Variants in SCARA5 observed in about 807,000 individuals in gnomAD.
SCARA5 encodes the protein scavenger receptor class A, member 5 (putative).
In SCARA5, 45 loss-of-function variants were observed where a neutral mutation model predicts 46.3. The observed-to-expected ratio is 0.97, with a 90% CI of 0.76 to 1.24. SCARA5 has a LOEUF of 1.24. SCARA5 is among the 50% of genes most tolerant of loss of function. The pLI, the probability that SCARA5 is intolerant of heterozygous loss-of-function variation, is 0.00. For synonymous variants in SCARA5, 333 were observed against 306.5 expected (o/e 1.09, Z -0.90); for missense variants, 680 against 689.0 (o/e 0.99, Z 0.15).
chr8:27,915,183 G>A (rs1255758893), intron 4 of SCARA5, among the ~76,000 whole-genome samples: 1 of 152,160 alleles, frequency 6.6e-6, no homozygotes, highest in Non-Finnish European at 1.5e-5. Context: ...CAATTGTGAG[G>A]TCTCTTTTTT....
intron 7 of SCARA5, among the ~76,000 whole-genome samples, chr8:27,902,127 A>G (rs1807164990): frequency 6.6e-6 from 1 of 152,136 alleles, no homozygotes; most frequent in Non-Finnish European, 1.5e-5. Context: ...AGAGGGCAGG[A>G]AAGAAAAGTT....
Position 27,966,497 on chromosome 8 carries a change from C to T in SCARA5, c.158G>A (p.Gly53Glu). Reference protein sequence around the residue: ...RRASICCTQLGSLSALKHAVL... With the variant: ...RRASICCTQLESLSALKHAVL... ...AGCATGCTTCAGGGCCGACAGGGAC[C>T]CCAGCTGGGTACAGCAGATGCTTGC... is the stretch of plus-strand genomic sequence containing the variant. The change falls in exon 3 of 9, where the codon GGG becomes GAG. Residue 53 changes from glycine (G) to glutamate (E), a missense_variant. Gly to Glu is a moderately conservative substitution (Grantham distance 98). Around this residue, in one of 3 missense-constraint regions of SCARA5, gnomAD observed 438 missense variants for 384.5 expected, o/e 1.14. Transcript: ENST00000354914. 6.2e-7 allele frequency: 1 copy of T among 1,613,900 alleles called. No individual in the cohort carries two copies. The highest frequency in any genetic ancestry group is 1.1e-5 in the South Asian group (1 of 91,044).
intron 3 of SCARA5, among the ~76,000 whole-genome samples, chr8:27,931,008 C>T (rs1807764024): frequency 6.6e-6 from 1 of 152,148 alleles, no homozygotes; most frequent in East Asian, 1.9e-4. Context: ...GAGGGGCCTT[C>T]CTTCAGGTGG....
rs1178982260 is a variant in SCARA5, at chr8:27,950,610, G to A, written c.241+15804C>T. Reference sequence around the variant, plus strand: ...GAGCATGACCCAGAAGGAGGGACATGTGAGCTCCAGGTGCCATGTTCTCTT... The same window carrying A: ...GAGCATGACCCAGAAGGAGGGACATATGAGCTCCAGGTGCCATGTTCTCTT... On this transcript the variant is annotated intron_variant, in intron 3 of 8. Coordinates refer to ENST00000354914, the MANE Select transcript of SCARA5 (RefSeq NM_173833.6). Among the ~76,000 whole-genome samples the A allele has an allele frequency of 1.3e-5, 2 of 152,164 alleles. 1 individual carries two copies. Among genetic ancestry groups the A allele is most frequent in the African/African-American group, 4.8e-5 (2 of 41,440 alleles).
intron 4 of SCARA5, among the ~76,000 whole-genome samples, chr8:27,914,916 C>A (rs1367418808): frequency 1.3e-5 from 2 of 152,166 alleles, no homozygotes; most frequent in African/African-American, 4.8e-5. Context: ...GAAACCCATG[C>A]CTTCTCCCTT....
At chr8:27,981,624 G>A (rs1426990954) in intron 2 of SCARA5, among the ~76,000 whole-genome samples, 1 of 152,234 alleles carries the variant, frequency 6.6e-6, no homozygotes, top group Non-Finnish European at 1.5e-5. Flanking sequence ...ACGCATGCAA[G>A]GACAACACAA....
At chr8:27,951,453 G>T (rs1808124851) in intron 3 of SCARA5, among the ~76,000 whole-genome samples, 1 of 152,212 alleles carries the variant, frequency 6.6e-6, no homozygotes, top group Admixed American at 6.5e-5. Flanking sequence ...TTTTCTTGGT[G>T]ACCAACGAAT....
At chr8:27,881,271 T>C (rs1449384838) in intron 7 of SCARA5, among the ~76,000 whole-genome samples, 1 of 152,138 alleles carries the variant, frequency 6.6e-6, no homozygotes, top group Non-Finnish European at 1.5e-5. Flanking sequence ...CTATTCACAA[T>C]AGCAAAGACA....
intron 7 of SCARA5, chr8:27,904,428 T>C: frequency 2.2e-6 from 1 of 456,482 alleles, no homozygotes; most frequent in South Asian, 6.4e-5. Flanking sequence ...CATTCAATTT[T>C]CACAATGACC....
chr8:27,979,110 T>A (rs1218734149), intron 2 of SCARA5, among the ~76,000 whole-genome samples: 1 of 152,094 alleles, frequency 6.6e-6, no homozygotes, highest in African/African-American at 2.4e-5. Flanking sequence ...TGATTTAAAC[T>A]CAGAGCCTAA....
intron 3 of SCARA5, among the ~76,000 whole-genome samples, chr8:27,932,816 A>G (rs1807797537): frequency 6.6e-6 from 1 of 152,178 alleles, no homozygotes; most frequent in African/African-American, 2.4e-5. Flanking sequence ...TTTTTAGTAG[A>G]GACAGGGTTT....
At chr8:27,941,529 T>G (rs894169278) in intron 3 of SCARA5, among the ~76,000 whole-genome samples, 3 of 152,146 alleles carry the variant, frequency 2.0e-5, no homozygotes, top group Non-Finnish European at 4.4e-5. Context: ...ATGCAGATAT[T>G]ATCTCATTTG....
intron 2 of SCARA5, among the ~76,000 whole-genome samples, chr8:27,974,114 G>A (rs1808486597): frequency 6.6e-6 from 1 of 152,268 alleles, no homozygotes; most frequent in African/African-American, 2.4e-5. Flanking sequence ...ACATTGTGGA[G>A]AGAACCTTGA....
At position 27,871,617 on chromosome 8, in the gene SCARA5, G is replaced by C. The variant is rs1184893755; in HGVS notation, c.*317C>G. ...ATTCACCTGTAACTAAAAGGCCAAA[G>C]GGAACTGGGATATTGAGGCCTGGTG... On this transcript the variant is annotated 3_prime_UTR_variant, in exon 9 of 9. Coordinates refer to ENST00000354914, the MANE Select transcript of SCARA5 (RefSeq NM_173833.6). 1 of 1,214,440 alleles carries C rather than the reference G, an allele frequency of 8.2e-7. No individual in the cohort carries two copies. Among genetic ancestry groups the C allele is most frequent in the Admixed American group, 3.7e-5 (1 of 27,264 alleles). 75.2% of individuals were successfully genotyped at this position (1,214,440 alleles called of 1,614,324 possible).
rs576328703 is a variant in SCARA5 at position 27,875,541 on chromosome 8, G to A, written c.1352-3471C>T. Among the ~76,000 whole-genome samples the A allele has an allele frequency of 2.0e-5, 3 of 152,264 alleles. No individual in the cohort carries two copies. The East Asian group carries it at 5.8e-4, about 29-fold the overall frequency. The stretch of plus-strand genomic sequence containing the variant: ...TAGGAATTCCCTAGCTGAAGAGGGA[G>A]GGAAAAGCCTTCCAGCAGGAGGAGC... On this transcript the variant is annotated intron_variant, in intron 8 of 8. Coordinates refer to ENST00000354914, the MANE Select transcript of SCARA5 (RefSeq NM_173833.6).
intron 3 of SCARA5, among the ~76,000 whole-genome samples, chr8:27,941,765 A>T (rs1807947701): frequency 6.7e-6 from 1 of 150,272 alleles, no homozygotes; most frequent in African/African-American, 2.4e-5. Context: ...CTCATTTTGT[A>T]CTCTTGACCA....
At chr8:27,972,343 AAAC>A (rs1808460970) in intron 2 of SCARA5, among the ~76,000 whole-genome samples, 2 of 150,954 alleles carry the variant, frequency 1.3e-5, no homozygotes, top group African/African-American at 2.4e-5. Flanking sequence ...ACAAAACAAA[AAAC>A]AAAACAAAAA....
chr8:27,884,847 A>G (rs1241958222), intron 7 of SCARA5, among the ~76,000 whole-genome samples: 1 of 152,136 alleles, frequency 6.6e-6, no homozygotes, highest in East Asian at 1.9e-4. Flanking sequence ...CAAAAACAAA[A>G]CCATAATTAT....
At chr8:27,940,250 A>G (rs1461571598) in intron 3 of SCARA5, among the ~76,000 whole-genome samples, 1 of 152,316 alleles carries the variant, frequency 6.6e-6, no homozygotes, top group East Asian at 1.9e-4. Context: ...ACGAGTAAGC[A>G]TGTGAGAAAT....
Sources: allele counts gnomAD v4.1 joint callset (sites outside exome capture counted in the v4.1 genomes callset), GRCh38; gene constraint gnomAD v4.1.1; regional missense constraint gnomAD v4.1.1; transcripts MANE v1.5; gene names NCBI Gene and HGNC (gene_info 2026-07-23, HGNC 2026-07-21).